ADGRD1: variants seen among roughly 807,000 people sequenced by gnomAD.
ADGRD1 encodes the protein G-protein coupled receptor 133.
A neutral mutation model predicts 113.4 loss-of-function variants in ADGRD1; 77 were observed. That is an observed-to-expected ratio of 0.68 (90% CI 0.57 to 0.82). ADGRD1 has a LOEUF of 0.82. Ranked by LOEUF, ADGRD1 falls within the 40% of genes least tolerant of loss-of-function variation. The pLI, the probability that ADGRD1 is intolerant of heterozygous loss-of-function variation, is 0.00. For missense variants in ADGRD1, 1,036 were observed against 1,139.1 expected (o/e 0.91, Z 1.30); for synonymous variants, 474 against 475.0 (o/e 1.00, Z 0.03).
In ADGRD1 at chr12:131,060,746, T is replaced by C. The variant is rs529021887; in HGVS notation, c.1474-16055T>C. Among the ~76,000 whole-genome samples the C allele has an allele frequency of 6.6e-6, 1 of 152,332 alleles. No homozygotes were observed. The highest frequency in any genetic ancestry group is 2.1e-4 in the South Asian group (1 of 4,826). On this transcript the variant is annotated intron_variant, in intron 13 of 24. Transcript: ENST00000261654. This position sits in a 1 kb window ranked among gnomAD's most constrained non-coding sequence, Gnocchi z 4.4. ...TATCAGTAGCTACCCCTGGATTCTT[T>C]TGATCAAAAACTTTGGGATGCGGAA...
chr12:130,974,721 T>TA (rs1346555288), intron 4 of ADGRD1, among the ~76,000 whole-genome samples: 1 of 152,186 alleles, frequency 6.6e-6, no homozygotes, highest in Non-Finnish European at 1.5e-5. Context: ...TTTTAACAAA[T>TA]AATGTTTTAG....
At chr12:131,106,107 G>A (rs996531572) in intron 17 of ADGRD1, among the ~76,000 whole-genome samples, 1 of 152,160 alleles carries the variant, frequency 6.6e-6, no homozygotes, top group Admixed American at 6.5e-5. Context: ...CCTAGCACCA[G>A]CTACGCGCGA....
Position 131,113,583 on chromosome 12 carries a change from T to C in ADGRD1, c.2041+4706T>C, listed in dbSNP as rs568170152. Among the ~76,000 whole-genome samples the C allele has an allele frequency of 2.0e-5, 3 of 152,322 alleles. No homozygotes were observed. Among genetic ancestry groups the C allele is most frequent in the Admixed American group, 1.3e-4 (2 of 15,306 alleles). ...TTGTGCTTTGAGTTGGCAAATGTAATTTATCTGAGGATTAAGTGGAGGTAA... is the reference window on the plus strand; with the variant it reads ...TTGTGCTTTGAGTTGGCAAATGTAACTTATCTGAGGATTAAGTGGAGGTAA... On this transcript the variant is annotated intron_variant, in intron 18 of 24. Coordinates refer to ENST00000261654, the MANE Select transcript of ADGRD1 (RefSeq NM_198827.5). The surrounding 1 kb of genome is among the most constrained non-coding windows in gnomAD (Gnocchi z 4.9).
chr12:131,026,157 A>G (rs1480194721), intron 13 of ADGRD1: 1 of 152,162 alleles, frequency 6.6e-6, no homozygotes, highest in Non-Finnish European at 1.5e-5. Context: ...CACTCTACAG[A>G]CAAACGGGGC....
At chr12:131,036,230 C>T (rs1881356981) in intron 13 of ADGRD1, among the ~76,000 whole-genome samples, 2 of 152,132 alleles carry the variant, frequency 1.3e-5, no homozygotes, top group South Asian at 2.1e-4. Flanking sequence ...CCGGGTCTTA[C>T]TGCATCAGGC....
intron 21 of ADGRD1, among the ~76,000 whole-genome samples, chr12:131,134,399 C>G (rs1951018559): frequency 6.6e-6 from 1 of 152,246 alleles, no homozygotes; most frequent in South Asian, 2.1e-4. Context: ...TCAGCGTCTT[C>G]CCCCAAGATC....
chr12:131,128,390 C>T lies in ADGRD1; in HGVS notation c.2176-3335C>T, dbSNP rs1534250. ...TCCCTCTCATGGGTCCCAGGCTTCA[C>T]GGTTTCTCCATCCCCTGAATCACTG... is the stretch of plus-strand genomic sequence containing the variant. On this transcript the variant is annotated intron_variant, in intron 20 of 24. Coordinates refer to ENST00000261654, the MANE Select transcript of ADGRD1 (RefSeq NM_198827.5). 8.6e-3 allele frequency among the ~76,000 whole-genome samples: 1,310 copies of T among 152,212 alleles called. 25 individuals carry two copies. The highest frequency in any genetic ancestry group is 0.03 in the African/African-American group (1,256 of 41,494).
At chr12:131,123,735 T>C (rs1950665596) in intron 20 of ADGRD1, among the ~76,000 whole-genome samples, 1 of 148,724 alleles carries the variant, frequency 6.7e-6, no homozygotes, top group Non-Finnish European at 1.5e-5. Context: ...GGCAGGAAAA[T>C]GGCGTGAACC....
chr12:131,062,691 C>G (rs184738861), intron 13 of ADGRD1, among the ~76,000 whole-genome samples: 4 of 152,110 alleles, frequency 2.6e-5, no homozygotes, highest in African/African-American at 9.7e-5. Context: ...TTAGGTCACC[C>G]TAGCCATGTG....
chr12:131,004,772 G>A (rs117085287), intron 11 of ADGRD1, among the ~76,000 whole-genome samples: 1 of 152,192 alleles, frequency 6.6e-6, no homozygotes, highest in Non-Finnish European at 1.5e-5. Flanking sequence ...TTCCACTCCT[G>A]TGCAGGCCTC....
intron 18 of ADGRD1, among the ~76,000 whole-genome samples, chr12:131,112,626 C>T (rs1257955811): frequency 6.6e-6 from 1 of 152,244 alleles, no homozygotes; most frequent in Non-Finnish European, 1.5e-5. Context: ...TGCTTTAAAT[C>T]AGTTCCCATG....
At chr12:131,122,847 C>G (rs1039782555) in intron 20 of ADGRD1, among the ~76,000 whole-genome samples, 4 of 152,138 alleles carry the variant, frequency 2.6e-5, no homozygotes, top group Non-Finnish European at 4.4e-5. Context: ...ACCACCCACA[C>G]GGCGTGGGGC....
intron 13 of ADGRD1, among the ~76,000 whole-genome samples, chr12:131,043,566 CCTT>C (rs1337867084): frequency 6.6e-6 from 1 of 152,270 alleles, no homozygotes; most frequent in Non-Finnish European, 1.5e-5. Context: ...GGCTGGCTCT[CCTT>C]CTCTACACCC....
intron 14 of ADGRD1, among the ~76,000 whole-genome samples, chr12:131,079,563 T>C (rs1009422517): frequency 6.6e-6 from 1 of 152,212 alleles, no homozygotes; most frequent in Admixed American, 6.5e-5. Context: ...TGATATTATT[T>C]CTTCCATTTT....
chr12:130,983,055 C>T (rs1383255414), intron 5 of ADGRD1, among the ~76,000 whole-genome samples: 3 of 152,134 alleles, frequency 2.0e-5, no homozygotes, highest in African/African-American at 7.2e-5. Context: ...GAACTCTGGA[C>T]CCAAACAGGC....
intron 24 of ADGRD1, among the ~76,000 whole-genome samples, chr12:131,138,551 C>G (rs112928972): frequency 1.2e-4 from 18 of 152,320 alleles, no homozygotes; most frequent in African/African-American, 1.9e-4. Context: ...CAGGCAGGCC[C>G]CCAGGCAGTC....
rs762866049 is a variant in ADGRD1, at chr12:130,966,509, T to A, written c.150T>A (p.Asn50Lys). The A allele has an allele frequency of 3.5e-5, 57 of 1,611,850 alleles. No homozygotes were observed. The highest frequency in any genetic ancestry group is 1.3e-4 in the Admixed American group (8 of 59,988). The change falls in exon 3 of 25, where the codon AAT (asparagine) becomes AAA (lysine). Residue 50 changes from asparagine to lysine, a missense_variant. By Grantham distance (94) the Asn-to-Lys change is moderately conservative (BLOSUM62 0). Transcript: ENST00000261654. This position sits in a 1 kb window ranked among gnomAD's most constrained non-coding sequence, Gnocchi z 4.6. Reference sequence around the variant, plus strand: ...CTTCCCATTACTGGCCACTGGAGAATGTGGATGGGATCCATGAACTTCAGG... The same window carrying A: ...CTTCCCATTACTGGCCACTGGAGAAAGTGGATGGGATCCATGAACTTCAGG... ...ASASHYWPLE[N>K]VDGIHELQDT...
intron 20 of ADGRD1, among the ~76,000 whole-genome samples, chr12:131,129,405 G>C (rs1409793733): frequency 1.7e-5 from 2 of 114,858 alleles, no homozygotes; most frequent in South Asian, 3.0e-4. Flanking sequence ...CCGCCCTGCT[G>C]TCTGGGTGTG....
chr12:131,107,117 T>C (rs1950249182), intron 17 of ADGRD1, among the ~76,000 whole-genome samples: 1 of 152,152 alleles, frequency 6.6e-6, no homozygotes, highest in African/African-American at 2.4e-5. Flanking sequence ...AGAGCATCTT[T>C]CCTCCAGAAC....
Sources: allele counts gnomAD v4.1 joint callset (sites outside exome capture counted in the v4.1 genomes callset), GRCh38; gene constraint gnomAD v4.1.1; non-coding constraint Gnocchi (gnomAD v3.1); transcripts MANE v1.5; gene names NCBI Gene and HGNC (gene_info 2026-07-23, HGNC 2026-07-21).